Variants in IQSEC1 observed in about 807,000 individuals in gnomAD.
The protein encoded by IQSEC1 is IQ motif and SEC7 domain-containing protein 1.
Under a neutral mutation model 91.0 loss-of-function variants are expected in IQSEC1, and 31 were observed. The observed-to-expected ratio is 0.34, with a 90% CI of 0.26 to 0.46. The LOEUF (loss-of-function observed/expected upper bound fraction) is 0.46. IQSEC1 is among the 20% of genes least tolerant of loss of function. The pLI, the probability that IQSEC1 is intolerant of heterozygous loss-of-function variation, is 1.00. For synonymous variants in IQSEC1, 699 were observed against 662.6 expected (o/e 1.05, Z -0.84); for missense variants, 1,388 against 1,575.6 (o/e 0.88, Z 2.02).
intron 1 of IQSEC1, among the ~76,000 whole-genome samples, chr3:12,993,076 C>T (rs1702061060): frequency 6.6e-6 from 1 of 152,168 alleles, no homozygotes; most frequent in African/African-American, 2.4e-5. Flanking sequence ...CAACAGCCCC[C>T]ATTACACCTC....
chr3:13,068,205 C>T (rs533234439), intron 1 of IQSEC1, among the ~76,000 whole-genome samples: 3 of 152,242 alleles, frequency 2.0e-5, no homozygotes, highest in East Asian at 1.9e-4. Context: ...ATGTGGATGT[C>T]GGACCTGTCC....
rs1694259750 is a variant in IQSEC1 at position 12,901,279 on chromosome 3, C to G, written c.3049G>C (p.Glu1017Gln). ...TGCATGGCGGCCTGCGGCAGCCCCT[C>G]TGGGGGCCCCAGGTGGTGGCCAGCC... is the stretch of plus-strand genomic sequence containing the variant. ...SVAGHHLGPP[E>Q]GLPQAAMHGH... The change falls in exon 14 of 14, where the codon GAG becomes CAG. Residue 1017 changes from glutamate (E) to glutamine (Q), a missense_variant. Physicochemically the swap from Glu to Gln is conservative, Grantham distance 29. Transcript: ENST00000613206. 3.3e-6 allele frequency: 5 copies of G among 1,499,602 alleles called. No homozygotes were observed. Among genetic ancestry groups the G allele is most frequent in the Non-Finnish European group, 4.5e-6 (5 of 1,118,514 alleles). 92.9% of individuals were successfully genotyped at this position (1,499,602 alleles called of 1,614,324 possible).
chr3:12,912,206 C>T (rs1007966273), intron 9 of IQSEC1, among the ~76,000 whole-genome samples: 6 of 152,206 alleles, frequency 3.9e-5, no homozygotes, highest in Admixed American at 3.9e-4. Context: ...TGGCCCGCCA[C>T]GGTCCTTGGC....
At chr3:13,154,438 C>CATACATATATATAT (rs1707049640) in intron 2 of IQSEC1, among the ~76,000 whole-genome samples, 7 of 20,758 alleles carry the variant, frequency 3.4e-4, no homozygotes, top group African/African-American at 1.4e-3. Flanking sequence ...AACTTACATG[C>CATACATATATATAT]ATATATATAT....
At chr3:13,230,590 A>G (rs1184848356) in intron 1 of IQSEC1, among the ~76,000 whole-genome samples, 1 of 151,844 alleles carries the variant, frequency 6.6e-6, no homozygotes, top group Non-Finnish European at 1.5e-5. Context: ...CATTGCTTTG[A>G]TTGTGTTTTG....
At position 12,899,111 on chromosome 3, in the gene IQSEC1, G is replaced by T; in HGVS notation, c.*1872C>A. 1 of 516,982 alleles carries T rather than the reference G, an allele frequency of 1.9e-6. No individual in the cohort carries two copies. Among genetic ancestry groups the T allele is most frequent in the South Asian group, 2.6e-5 (1 of 38,756 alleles). The allele number at this position is 516,982 out of a possible 1,614,324, so 32.0% of individuals were successfully genotyped here. ...TGCTCTCTCTGGAGATTAACAAAGTGCTTGGTTTGCAGATTTGCTGGTACG... is the reference window on the plus strand; with the variant it reads ...TGCTCTCTCTGGAGATTAACAAAGTTCTTGGTTTGCAGATTTGCTGGTACG... On this transcript the variant is annotated 3_prime_UTR_variant, in exon 14 of 14. Coordinates refer to ENST00000613206, the MANE Select transcript of IQSEC1 (RefSeq NM_001134382.3).
At chr3:12,957,247 G>C (rs1054823500) in intron 1 of IQSEC1, among the ~76,000 whole-genome samples, 1 of 152,178 alleles carries the variant, frequency 6.6e-6, no homozygotes, top group Non-Finnish European at 1.5e-5. Flanking sequence ...GACCTCATCT[G>C]CATGGCCTCA....
intron 1 of IQSEC1, among the ~76,000 whole-genome samples, chr3:13,021,078 C>G (rs933386526): frequency 6.6e-6 from 1 of 152,160 alleles, no homozygotes; most frequent in Admixed American, 6.5e-5. Context: ...AATAATATGC[C>G]CTTAGGCGGC....
chr3:12,936,102 G>A lies in IQSEC1; in HGVS notation c.914C>T (p.Ser305Leu), dbSNP rs139140830. 22 of 1,611,010 alleles carry A rather than the reference G, an allele frequency of 1.4e-5. No homozygotes were observed. In the African/African-American group the frequency reaches 2.4e-4, roughly 18 times the overall value. The change falls in exon 3 of 14, where the codon TCG (serine) becomes TTG (leucine). Residue 305 changes from serine (S) to leucine (L), a missense_variant. By Grantham distance (145) the Ser-to-Leu change is moderately radical. Around this residue, in one of 2 missense-constraint regions of IQSEC1, gnomAD observed 1,059 missense variants for 1,317.8 expected, o/e 0.80. Transcript: ENST00000613206. ...GCTGGACGGCCGGTCCCCTGCCTGC[G>A]AGAGGGGCAGAGGGGGCGACAGCTC... is the stretch of plus-strand genomic sequence containing the variant. ...EEELSPPLPL[S>L]QAGDRPSSTE...
chr3:13,124,691 C>T (rs574746005), intron 2 of IQSEC1, among the ~76,000 whole-genome samples: 7 of 152,260 alleles, frequency 4.6e-5, no homozygotes, highest in Non-Finnish European at 7.4e-5. Flanking sequence ...TGTCATTATT[C>T]GTGGTGTACT....
At chr3:12,915,564 G>C in intron 7 of IQSEC1, 30 bp downstream of exon 7, 1 of 1,608,136 alleles carries the variant, frequency 6.2e-7, no homozygotes, top group Non-Finnish European at 8.5e-7. Context: ...TGGTGCTGGG[G>C]CCCACCACGT....
chr3:12,925,776 C>T (rs115971755), intron 3 of IQSEC1, among the ~76,000 whole-genome samples: 424 of 152,322 alleles, frequency 2.8e-3, no homozygotes, highest in African/African-American at 9.3e-3. Flanking sequence ...TGGGGCCTAG[C>T]GCCAGGCCAG....
At chr3:13,063,882 A>G (rs983696599) in intron 1 of IQSEC1, among the ~76,000 whole-genome samples, 1 of 152,184 alleles carries the variant, frequency 6.6e-6, no homozygotes, top group Non-Finnish European at 1.5e-5. Context: ...CTGGGAGGTC[A>G]CTGGCTGTCT....
chr3:13,047,551 C>T (rs1303008045), intron 1 of IQSEC1: 13 of 981,472 alleles, frequency 1.3e-5, no homozygotes, highest in Non-Finnish European at 1.6e-5. Context: ...GACAGGGTTA[C>T]TTATGGTCCC....
At chr3:12,952,874 G>C (rs1049470965) in intron 1 of IQSEC1, among the ~76,000 whole-genome samples, 4 of 152,216 alleles carry the variant, frequency 2.6e-5, no homozygotes, top group African/African-American at 9.6e-5. Context: ...AGAGGGATGA[G>C]GGCTCCAAGA....
At chr3:13,163,761 G>T (rs528527463) in intron 2 of IQSEC1, among the ~76,000 whole-genome samples, 2 of 151,872 alleles carry the variant, frequency 1.3e-5, no homozygotes, top group Non-Finnish European at 2.9e-5. Flanking sequence ...AGGGGTGTCA[G>T]GTATAGAAGT....
intron 10 of IQSEC1, among the ~76,000 whole-genome samples, chr3:12,910,742 G>C (rs750582739): frequency 6.6e-6 from 1 of 152,232 alleles, no homozygotes; most frequent in Non-Finnish European, 1.5e-5. Context: ...CTGTGGTTTT[G>C]GATGGTCCAG....
intron 1 of IQSEC1, among the ~76,000 whole-genome samples, chr3:13,196,749 C>CGTGT (rs5846802): frequency 0.026 from 3,795 of 148,438 alleles, 64 homozygotes; most frequent in East Asian, 0.046. Context: ...CATGTGTGTG[C>CGTGT]GTGTGTGTGT....
rs1455737543 is a variant in IQSEC1, at chr3:12,983,638, C to G, written c.24-41773G>C. On this transcript the variant is annotated intron_variant, in intron 1 of 13. Coordinates refer to ENST00000613206, the MANE Select transcript of IQSEC1 (RefSeq NM_001134382.3). The surrounding 1 kb of genome is among the most constrained non-coding windows in gnomAD (Gnocchi z 4.3). ...CAGCCCCGATTCCACCTTCTTGGCT[C>G]AGCTCCTTCAGGGACGCCTGGGCTG... Among the ~76,000 whole-genome samples the G allele has an allele frequency of 2.0e-5, 3 of 152,158 alleles. No homozygotes were observed. The South Asian group carries it at 6.2e-4, about 32-fold the overall frequency.
Sources: gnomAD v4.1 joint callset for allele counts (sites outside exome capture counted in the v4.1 genomes callset) on GRCh38, gnomAD v4.1.1 for gene constraint, gnomAD v4.1.1 regional missense constraint, Gnocchi (gnomAD v3.1) non-coding constraint, MANE v1.5 for transcripts, NCBI Gene and HGNC (gene_info 2026-07-23, HGNC 2026-07-21) for gene names.